Variants in KANSL1 observed in about 807,000 individuals in gnomAD.
KANSL1 encodes the protein MLL1/MLL complex subunit KANSL1.
A neutral mutation model predicts 103.6 loss-of-function variants in KANSL1; 22 were observed. The observed-to-expected ratio is 0.21, with a 90% CI of 0.15 to 0.30. KANSL1 has a LOEUF of 0.30. Ranked by LOEUF, KANSL1 falls within the 10% of genes least tolerant of loss-of-function variation. The pLI, the probability that KANSL1 is intolerant of heterozygous loss-of-function variation, is 1.00. For missense variants in KANSL1, 1,337 were observed against 1,399.8 expected (o/e 0.96, Z 0.72); for synonymous variants, 600 against 527.6 (o/e 1.14, Z -1.88).
intron 1 of KANSL1, among the ~76,000 whole-genome samples, chr17:46,181,819 CCA>C (rs1269058128): frequency 9.2e-5 from 14 of 152,294 alleles, no homozygotes; most frequent in African/African-American, 3.1e-4. Flanking sequence ...CCAGAACTCC[CCA>C]CAGATTCCCA....
At chr17:46,166,351 A>G (rs1270456686) in intron 2 of KANSL1, among the ~76,000 whole-genome samples, 1 of 152,102 alleles carries the variant, frequency 6.6e-6, no homozygotes, top group Admixed American at 6.5e-5. Context: ...GCCTCTACTA[A>G]AAGTACAAAA....
At chr17:46,073,641 C>T (rs928971562) in intron 4 of KANSL1, among the ~76,000 whole-genome samples, 2 of 151,562 alleles carry the variant, frequency 1.3e-5, no homozygotes, top group African/African-American at 2.4e-5. Context: ...ATTAACAATG[C>T]GGGGTGGGGA....
chr17:46,093,144 T>G (rs1054269825), intron 3 of KANSL1: 3 of 152,194 alleles, frequency 2.0e-5, no homozygotes, highest in African/African-American at 4.8e-5. Context: ...TATAAAAACC[T>G]AGAAACAGAC....
intron 2 of KANSL1, among the ~76,000 whole-genome samples, chr17:46,154,295 A>G (rs1013035749): frequency 6.6e-6 from 1 of 152,232 alleles, no homozygotes; most frequent in African/African-American, 2.4e-5. Flanking sequence ...CCCTTGACAA[A>G]TGAGGGAGGA....
intron 1 of KANSL1, among the ~76,000 whole-genome samples, chr17:46,216,468 G>A (rs370676916): frequency 1.3e-5 from 2 of 151,888 alleles, no homozygotes; most frequent in Admixed American, 6.6e-5. Context: ...ATGTGGTGGC[G>A]GGCACCTGTA....
chr17:46,171,478 C>T lies in KANSL1; in HGVS notation c.666G>A (p.Leu222=). 2 of 1,614,086 alleles carry T rather than the reference C, an allele frequency of 1.2e-6. No individual in the cohort carries two copies. Among genetic ancestry groups the T allele is most frequent in the East Asian group, 4.5e-5 (2 of 44,876 alleles). ...TGTTTGCAGTGCTATTATTGCTATACAAAGTTGTGTGTTCTACATCAAGGC... is the reference window on the plus strand; with the variant it reads ...TGTTTGCAGTGCTATTATTGCTATATAAAGTTGTGTGTTCTACATCAAGGC... The part of the protein sequence containing the change: ...HRSLDVEHTT[L]YSNNSTANKS... Residue 222 remains leucine, a synonymous_variant, in exon 2 of 15, where the codon TTG becomes TTA. Transcript: ENST00000432791.
chr17:46,050,661 G>C lies in KANSL1; in HGVS notation c.1892C>G (p.Pro631Arg). Residue 631 changes from proline (P) to arginine (R), a missense_variant, in exon 7 of 15, where the codon CCC becomes CGC. Physicochemically the swap from Pro to Arg is moderately radical, Grantham distance 103 (BLOSUM62 -2). This residue lies in a region of KANSL1 where 780 missense variants were observed against 923.4 expected (regional missense o/e 0.84). Coordinates refer to ENST00000432791, the MANE Select transcript of KANSL1 (RefSeq NM_015443.4). Reference protein sequence around the residue: ...STIRPGCDVNPSCALCGSGSI... With the variant: ...STIRPGCDVNRSCALCGSGSI... ...GCCTGAACCACACAGTGCGCAGGAGGGATTCACATCACAGCCAGGGCGGAT... is the reference window on the plus strand; with the variant it reads ...GCCTGAACCACACAGTGCGCAGGAGCGATTCACATCACAGCCAGGGCGGAT... 3 of 1,613,968 alleles carry C rather than the reference G, an allele frequency of 1.9e-6. No homozygotes were observed. The highest frequency in any genetic ancestry group is 2.2e-5 in the South Asian group (2 of 91,066).
intron 2 of KANSL1, among the ~76,000 whole-genome samples, chr17:46,115,759 A>G (rs911077344): frequency 4.6e-5 from 7 of 152,376 alleles, no homozygotes; most frequent in African/African-American, 1.4e-4. Flanking sequence ...AGGCAGAAAT[A>G]CTAAGGCATT....
intron 2 of KANSL1, among the ~76,000 whole-genome samples, chr17:46,146,105 A>G (rs1456315149): frequency 1.3e-5 from 2 of 152,248 alleles, no homozygotes; most frequent in African/African-American, 4.8e-5. Context: ...TCCTAAAGAA[A>G]CAACTAGTGT....
chr17:46,143,298 A>G (rs751443658), intron 2 of KANSL1, among the ~76,000 whole-genome samples: 10 of 152,088 alleles, frequency 6.6e-5, no homozygotes, highest in Non-Finnish European at 1.5e-4. Flanking sequence ...GTTCAAGACC[A>G]GCCTGGCCAA....
At chr17:46,066,993 G>C (rs186025338) in intron 5 of KANSL1, among the ~76,000 whole-genome samples, 7 of 152,282 alleles carry the variant, frequency 4.6e-5, no homozygotes, top group Admixed American at 4.6e-4. Context: ...ATAAACTCAA[G>C]TTCTAGTGAT....
At chr17:46,109,104 C>G (rs1459240449) in intron 2 of KANSL1, among the ~76,000 whole-genome samples, 1 of 152,134 alleles carries the variant, frequency 6.6e-6, no homozygotes, top group Non-Finnish European at 1.5e-5. Flanking sequence ...TGTGCACCAC[C>G]ACGCCCAGCT....
chr17:46,166,925 A>G (rs2046030446), intron 2 of KANSL1, among the ~76,000 whole-genome samples: 1 of 152,118 alleles, frequency 6.6e-6, no homozygotes, highest in South Asian at 2.1e-4. Flanking sequence ...ATCCTCAACA[A>G]TATTTCAGTA....
intron 2 of KANSL1, among the ~76,000 whole-genome samples, chr17:46,105,890 CACAGAGCAAGGCCTTG>C (rs1286119635): frequency 1.7e-5 from 2 of 119,442 alleles, no homozygotes; most frequent in South Asian, 2.4e-4. Context: ...CACACACACA[CACAGAGCAAGGCCTTG>C]ACACACACAC....
intron 2 of KANSL1, among the ~76,000 whole-genome samples, chr17:46,149,495 C>T (rs1597804840): frequency 6.6e-6 from 1 of 152,248 alleles, no homozygotes; most frequent in Non-Finnish European, 1.5e-5. Flanking sequence ...ACACAGTCTC[C>T]GTCTCAACTA....
intron 2 of KANSL1, among the ~76,000 whole-genome samples, chr17:46,110,086 C>T (rs567980549): frequency 6.6e-6 from 1 of 152,286 alleles, no homozygotes; most frequent in Admixed American, 6.5e-5. Context: ...ACCACAGTAA[C>T]TGTTCATCTT....
At chr17:46,150,125 A>C in intron 2 of KANSL1, among the ~76,000 whole-genome samples, 1 of 150,952 alleles carries the variant, frequency 6.6e-6, no homozygotes, top group East Asian at 1.9e-4. Context: ...GGCTTCCTCC[A>C]TGAGTATAAT....
At chr17:46,145,649 C>T (rs560267962) in intron 2 of KANSL1, among the ~76,000 whole-genome samples, 1 of 152,344 alleles carries the variant, frequency 6.6e-6, no homozygotes, top group African/African-American at 2.4e-5. Context: ...TACAAAACCC[C>T]TTCTGTTATG....
At chr17:46,074,796 T>C (rs1315270929) in intron 4 of KANSL1, among the ~76,000 whole-genome samples, 2 of 134,808 alleles carry the variant, frequency 1.5e-5, no homozygotes, top group African/African-American at 2.5e-5. Context: ...AATAAATAAA[T>C]AAATAAATAA....
Sources: allele counts gnomAD v4.1 joint callset (sites outside exome capture counted in the v4.1 genomes callset), GRCh38; gene constraint gnomAD v4.1.1; regional missense constraint gnomAD v4.1.1; transcripts MANE v1.5; gene names NCBI Gene and HGNC (gene_info 2026-07-23, HGNC 2026-07-21).